Variants in FAM114A2 observed in about 807,000 individuals in gnomAD.
The protein encoded by FAM114A2 is family with sequence similarity 114 member A2, also known as protein FAM114A2.
A neutral mutation model predicts 58.4 loss-of-function variants in FAM114A2; 53 were observed. The observed-to-expected ratio is 0.91, with a 90% CI of 0.73 to 1.14. The LOEUF (loss-of-function observed/expected upper bound fraction) is 1.14. FAM114A2 is among the 50% of genes most tolerant of loss of function. The probability of loss-of-function intolerance (pLI) is 0.00; values close to 1 mark genes in which losing one functional copy is unlikely to be tolerated. For synonymous variants in FAM114A2, 228 were observed against 211.4 expected (o/e 1.08, Z -0.68); for missense variants, 601 against 581.1 (o/e 1.03, Z -0.35).
At chr5:154,011,384 C>G (rs1770688221) in intron 8 of FAM114A2, 64 bp from the exon 9 acceptor site, 1 of 1,110,324 alleles carries the variant, frequency 9.0e-7, no homozygotes. Context: ...AGGTGGCAGG[C>G]GAGGAGGAAG....
chr5:154,017,603 T>C (rs930724494), intron 8 of FAM114A2, among the ~76,000 whole-genome samples: 2 of 152,154 alleles, frequency 1.3e-5, no homozygotes, highest in African/African-American at 4.8e-5. Context: ...TTAACAGATA[T>C]ACACAGAACA....
At position 154,022,337 on chromosome 5, in the gene FAM114A2, C is replaced by T. The variant is rs191842297; in HGVS notation, c.913+4062G>A. Among the ~76,000 whole-genome samples, 4 of 152,230 alleles carry T rather than the reference C, an allele frequency of 2.6e-5. No individual in the cohort carries two copies. The East Asian group carries it at 5.8e-4, about 22-fold the overall frequency. ...GCACAGCAAAAGAAACTACCATCAG[C>T]GTGAACAGGCAACCTACAGAATGGG... On this transcript the variant is annotated intron_variant, in intron 8 of 13. Coordinates refer to ENST00000351797, the MANE Select transcript of FAM114A2 (RefSeq NM_018691.4).
At position 154,002,853 on chromosome 5, in the gene FAM114A2, T is replaced by C. The variant is rs1304627242; in HGVS notation, c.1110A>G (p.Ser370=). 1 of 1,614,118 alleles carries C rather than the reference T, an allele frequency of 6.2e-7. No homozygotes were observed. ...AENTEQVNKN[S]IEDIHAFAIR... ...GCTTAGTTGCTTTGGCTACCTCTAT[T>C]GAATTTTTGTTGACTTGCTCAGTAT... The change falls in exon 10 of 14, where the codon TCA becomes TCG. Residue 370 remains serine, a synonymous_variant. Coordinates refer to ENST00000351797, the MANE Select transcript of FAM114A2 (RefSeq NM_018691.4).
At chr5:154,026,598 T>TA in intron 7 of FAM114A2, 76 bp from the exon 8 acceptor site, 2 of 1,048,608 alleles carry the variant, frequency 1.9e-6, no homozygotes, top group East Asian at 3.0e-5. Flanking sequence ...GAAGAGACTA[T>TA]AAAAAGATCA....
rs1380759079 is a variant in FAM114A2, at chr5:154,002,859, T to C, written c.1104A>G (p.Lys368=). Residue 368 remains lysine, a synonymous_variant, in exon 10 of 14, where the codon AAA becomes AAG. Transcript: ENST00000351797. ...SEAENTEQVN[K]NSIEDIHAFA... ...TTGCTTTGGCTACCTCTATTGAATT[T>C]TTGTTGACTTGCTCAGTATTTTCTG... The C allele has an allele frequency of 6.2e-7, 1 of 1,614,118 alleles. No individual in the cohort carries two copies. The highest frequency in any genetic ancestry group is 1.7e-5 in the Admixed American group (1 of 60,026).
chr5:153,997,545 T>C (rs963468271), intron 12 of FAM114A2, among the ~76,000 whole-genome samples: 1 of 152,072 alleles, frequency 6.6e-6, no homozygotes, highest in Non-Finnish European at 1.5e-5. Context: ...CAGCCAAATC[T>C]ATAGAGAAAG....
chr5:153,994,043 C>T (rs1183084935), intron 13 of FAM114A2, among the ~76,000 whole-genome samples: 1 of 152,150 alleles, frequency 6.6e-6, no homozygotes, highest in Non-Finnish European at 1.5e-5. Flanking sequence ...GTCTTTTCTA[C>T]TGCACCACTC....
chr5:154,007,331 A>T (rs978954556), intron 9 of FAM114A2, among the ~76,000 whole-genome samples: 1 of 152,216 alleles, frequency 6.6e-6, no homozygotes, highest in African/African-American at 2.4e-5. Flanking sequence ...TATTTCCAAC[A>T]GAAAAATAAT....
Position 154,033,900 on chromosome 5 carries a change from C to CTT in FAM114A2, c.311-19_311-18dup. ...TGCCTTGTCCTAATGAGAAAAATAA[C>CTT]TTTTTTTTTTGCTATTTGTCACCAA... On this transcript the variant is annotated splice_polypyrimidine_tract_variant and intron_variant, in intron 3 of 13. Transcript: ENST00000351797. 20 of 1,406,024 alleles carry CTT rather than the reference C, an allele frequency of 1.4e-5. No individual in the cohort carries two copies. The highest frequency in any genetic ancestry group is 1.7e-5 in the Non-Finnish European group (17 of 1,028,732). 87.1% of individuals were successfully genotyped at this position (1,406,024 alleles called of 1,614,324 possible).
intron 10 of FAM114A2, 60 bp downstream of exon 10, chr5:154,002,787 G>C (rs1770075366): frequency 6.3e-7 from 1 of 1,584,626 alleles, no homozygotes; most frequent in African/African-American, 1.3e-5. Context: ...CTGGGTCCCT[G>C]ATTGTGACAC....
At position 153,991,197 on chromosome 5, in the gene FAM114A2, G is replaced by T. The variant is rs1769232806; in HGVS notation, c.*1779C>A. On this transcript the variant is annotated 3_prime_UTR_variant, in exon 14 of 14. Coordinates refer to ENST00000351797, the MANE Select transcript of FAM114A2 (RefSeq NM_018691.4). The stretch of plus-strand genomic sequence containing the variant: ...AAATTCAGGGCTGAAATCTGAATAG[G>T]TGTATAAAAAGAGTTGTTACTCTCT... 1 of 152,050 alleles carries T rather than the reference G, an allele frequency of 6.6e-6. No homozygotes were observed. The highest frequency in any genetic ancestry group is 2.4e-5 in the African/African-American group (1 of 41,384). The allele number at this position is 152,050 out of a possible 1,614,324, so 9.4% of individuals were successfully genotyped here.
chr5:154,014,009 T>G (rs372467692), intron 8 of FAM114A2, among the ~76,000 whole-genome samples: 1 of 152,216 alleles, frequency 6.6e-6, no homozygotes, highest in African/African-American at 2.4e-5. Flanking sequence ...CTTCTCAAAG[T>G]CACATGGCTT....
chr5:154,011,679 C>T (rs1770708723), intron 8 of FAM114A2, among the ~76,000 whole-genome samples: 1 of 152,108 alleles, frequency 6.6e-6, no homozygotes, highest in Non-Finnish European at 1.5e-5. Flanking sequence ...TGCATTATAT[C>T]CAGAGCAAGA....
intron 4 of FAM114A2, among the ~76,000 whole-genome samples, chr5:154,032,712 TG>T (rs1164794531): frequency 3.9e-5 from 6 of 152,186 alleles, no homozygotes; most frequent in African/African-American, 1.4e-4. Context: ...ACTTTGAGCA[TG>T]GTTATTTTAG....
In FAM114A2 at chr5:153,992,191, C is replaced by T. The variant is rs796277742; in HGVS notation, c.*785G>A. 22 of 152,264 alleles carry T rather than the reference C, an allele frequency of 1.4e-4. No individual in the cohort carries two copies. Among genetic ancestry groups the T allele is most frequent in the African/African-American group, 5.3e-4 (22 of 41,552 alleles). 9.4% of individuals were successfully genotyped at this position (152,264 alleles called of 1,614,324 possible). On this transcript the variant is annotated 3_prime_UTR_variant, in exon 14 of 14. Transcript: ENST00000351797. The stretch of plus-strand genomic sequence containing the variant: ...GAATTTATCCTGCATATATGGTAGA[C>T]ACGAAACACATCCTGAAGAGACTCA...
intron 11 of FAM114A2, 111 bp downstream of exon 11, chr5:154,002,140 G>T: frequency 1.1e-6 from 1 of 899,338 alleles, no homozygotes; most frequent in Non-Finnish European, 1.8e-6. Context: ...CTAATATGTG[G>T]ATGGGTGTGA....
chr5:153,996,922 A>G (rs1414674799), intron 12 of FAM114A2, among the ~76,000 whole-genome samples: 1 of 151,210 alleles, frequency 6.6e-6, no homozygotes, highest in Non-Finnish European at 1.5e-5. Flanking sequence ...ACTTGGACCC[A>G]GGAGGCAGAG....
intron 1 of FAM114A2, among the ~76,000 whole-genome samples, chr5:154,037,651 G>A (rs1426230861): frequency 6.6e-6 from 1 of 152,084 alleles, no homozygotes; most frequent in East Asian, 1.9e-4. Context: ...ACTATATGTA[G>A]AATATATAAT....
At chr5:154,023,257 C>T (rs1364784825) in intron 8 of FAM114A2, among the ~76,000 whole-genome samples, 1 of 152,020 alleles carries the variant, frequency 6.6e-6, no homozygotes, top group African/African-American at 2.4e-5. Context: ...GCACGTTGTG[C>T]ACATGTACCC....
Sources: allele counts gnomAD v4.1 joint callset (sites outside exome capture counted in the v4.1 genomes callset), GRCh38; gene constraint gnomAD v4.1.1; transcripts MANE v1.5; gene names NCBI Gene and HGNC (gene_info 2026-07-23, HGNC 2026-07-21).